The following CTNNA3 variants were observed in gnomAD, a reference collection of about 807,000 sequenced individuals.
The protein encoded by CTNNA3 is catenin alpha-3.
In CTNNA3, 76 loss-of-function variants were observed where a neutral mutation model predicts 95.7. That is an observed-to-expected ratio of 0.79 (90% CI 0.66 to 0.96). The LOEUF (loss-of-function observed/expected upper bound fraction) is 0.96. CTNNA3 is among the 40% of genes least tolerant of loss of function. CTNNA3 has a pLI of 0.00. For missense variants in CTNNA3, 1,191 were observed against 1,089.8 expected, an observed-to-expected ratio of 1.09 and a Z score of -1.31; for synonymous variants, 431 against 374.4, an observed-to-expected ratio of 1.15 and a Z score of -1.74.
chr10:66,050,135 G>C (rs1361761704), intron 15 of CTNNA3, among the ~76,000 whole-genome samples: 1 of 150,300 alleles, frequency 6.7e-6, no homozygotes, highest in East Asian at 2.0e-4. Flanking sequence ...AAGCTCTTTG[G>C]CTCTCAAAGC....
chr10:65,921,997 C>A lies in CTNNA3; in HGVS notation c.2401-1380G>T, dbSNP rs77333875. On this transcript the variant is annotated intron_variant, in intron 17 of 17. Coordinates refer to ENST00000433211, the MANE Select transcript of CTNNA3 (RefSeq NM_013266.4). ...TCATAGCAACCCTATGAGGTAAGTA[C>A]TCTTATTATCTTCATTTTATGGATG... Among the ~76,000 whole-genome samples the A allele has an allele frequency of 9.7e-3, 1,472 of 152,216 alleles. 7 individuals carry two copies. The highest frequency in any genetic ancestry group is 0.019 in the South Asian group (92 of 4,828).
At chr10:66,437,748 C>T (rs192041783) in intron 11 of CTNNA3, among the ~76,000 whole-genome samples, 4 of 152,172 alleles carry the variant, frequency 2.6e-5, no homozygotes, top group Admixed American at 6.5e-5. Flanking sequence ...CCCTTGCTGG[C>T]GAGGAGTTGT....
At chr10:66,470,746 A>G (rs574348402) in intron 11 of CTNNA3, among the ~76,000 whole-genome samples, 1 of 152,028 alleles carries the variant, frequency 6.6e-6, no homozygotes, top group African/African-American at 2.4e-5. Context: ...AAAGCAAGAA[A>G]GGTCACTAGT....
chr10:66,876,548 C>A (rs180786383), intron 7 of CTNNA3, among the ~76,000 whole-genome samples: 1 of 152,122 alleles, frequency 6.6e-6, no homozygotes, highest in Admixed American at 6.6e-5. Context: ...TGGATATATC[C>A]TTATACACAT....
intron 11 of CTNNA3, among the ~76,000 whole-genome samples, chr10:66,437,735 G>T (rs1473699430): frequency 6.6e-6 from 1 of 152,058 alleles, no homozygotes; most frequent in Non-Finnish European, 1.5e-5. Context: ...GTCTAATTTT[G>T]TTCCCTTGCT....
At chr10:65,951,641 C>T (rs1186763392) in intron 17 of CTNNA3, among the ~76,000 whole-genome samples, 2 of 152,008 alleles carry the variant, frequency 1.3e-5, no homozygotes, top group African/African-American at 4.8e-5. Flanking sequence ...ACCTCCCACC[C>T]CTGTCATCTC....
chr10:66,926,709 T>C (rs2132620712), intron 7 of CTNNA3: 3 of 1,202,444 alleles, frequency 2.5e-6, no homozygotes, highest in Non-Finnish European at 3.6e-6. Flanking sequence ...AGACTATGAA[T>C]TTATTTGCTT....
chr10:67,336,411 T>C (rs1387143615), intron 5 of CTNNA3, among the ~76,000 whole-genome samples: 1 of 152,212 alleles, frequency 6.6e-6, no homozygotes, highest in Admixed American at 6.5e-5. Flanking sequence ...AGTTGGAAGC[T>C]CGCAGAGGTT....
At chr10:66,753,095 C>T (rs1839222848) in intron 9 of CTNNA3, among the ~76,000 whole-genome samples, 1 of 152,152 alleles carries the variant, frequency 6.6e-6, no homozygotes, top group Non-Finnish European at 1.5e-5. Context: ...TTCTGGAGCA[C>T]ATATACTTTT....
At chr10:66,881,222 T>A (rs1385077452) in intron 7 of CTNNA3, among the ~76,000 whole-genome samples, 2 of 152,158 alleles carry the variant, frequency 1.3e-5, no homozygotes, top group Non-Finnish European at 1.5e-5. Flanking sequence ...GTTCCAACAT[T>A]ACTCAAGATA....
At chr10:66,275,089 C>T (rs1433280507) in intron 13 of CTNNA3, among the ~76,000 whole-genome samples, 1 of 151,906 alleles carries the variant, frequency 6.6e-6, no homozygotes, top group African/African-American at 2.4e-5. Flanking sequence ...TTGTATTTCT[C>T]TATTGTCCAT....
At chr10:67,186,199 G>GA (rs1366491409) in intron 6 of CTNNA3, among the ~76,000 whole-genome samples, 1 of 152,090 alleles carries the variant, frequency 6.6e-6, no homozygotes, top group African/African-American at 2.4e-5. Flanking sequence ...GTGACAATAG[G>GA]AAAAAACTGA....
At chr10:66,090,909 T>C (rs1012938778) in intron 14 of CTNNA3, among the ~76,000 whole-genome samples, 1 of 151,984 alleles carries the variant, frequency 6.6e-6, no homozygotes, top group South Asian at 2.1e-4. Context: ...AAAATATGAA[T>C]ATAAAAATAC....
intron 9 of CTNNA3, among the ~76,000 whole-genome samples, chr10:66,713,447 G>A (rs1014549856): frequency 1.3e-5 from 2 of 151,900 alleles, no homozygotes; most frequent in Non-Finnish European, 2.9e-5. Context: ...TTGTTGTTTG[G>A]TTTTTGTCCA....
intron 11 of CTNNA3, among the ~76,000 whole-genome samples, chr10:66,438,338 G>C (rs1009042789): frequency 2.4e-4 from 36 of 152,306 alleles, no homozygotes; most frequent in African/African-American, 8.4e-4. Context: ...AGGGAGTTGA[G>C]AGTTTTATTT....
chr10:66,324,783 TTTAA>T (rs2092234002), intron 12 of CTNNA3, among the ~76,000 whole-genome samples: 1 of 152,044 alleles, frequency 6.6e-6, no homozygotes, highest in African/African-American at 2.4e-5. Flanking sequence ...TTCAGTTTGC[TTTAA>T]TTAGTTTATC....
chr10:66,943,758 A>G (rs1487348420), intron 7 of CTNNA3, among the ~76,000 whole-genome samples: 3 of 152,224 alleles, frequency 2.0e-5, no homozygotes, highest in African/African-American at 7.2e-5. Flanking sequence ...CATAAAGTGC[A>G]TATCGCAATA....
chr10:66,216,788 T>C (rs555532253), intron 13 of CTNNA3, among the ~76,000 whole-genome samples: 11 of 152,314 alleles, frequency 7.2e-5, no homozygotes, highest in Admixed American at 6.5e-4. Flanking sequence ...TTTCTTCCAA[T>C]GGTTCTGTGG....
chr10:67,148,223 T>C (rs571269910), intron 7 of CTNNA3, among the ~76,000 whole-genome samples: 7 of 152,248 alleles, frequency 4.6e-5, no homozygotes, highest in African/African-American at 1.7e-4. Flanking sequence ...CCAGAACAAA[T>C]AAACTGCCAT....
Sources: allele counts gnomAD v4.1 joint callset (sites outside exome capture counted in the v4.1 genomes callset), GRCh38; gene constraint gnomAD v4.1.1; transcripts MANE v1.5; gene names NCBI Gene and HGNC (gene_info 2026-07-23, HGNC 2026-07-21).